The following MAPK8IP3 variants were observed in gnomAD, a reference collection of about 807,000 sequenced individuals.
MAPK8IP3 encodes mitogen-activated protein kinase 8 interacting protein 3.
MAPK8IP3 carries 49 observed loss-of-function variants against 157.8 expected under a neutral mutation model. That is an observed-to-expected ratio of 0.31 (90% CI 0.25 to 0.39). The LOEUF is 0.39. Among genes scored for constraint, MAPK8IP3 ranks in the 10% least tolerant of loss-of-function variants. The pLI is 1.00. For synonymous variants in MAPK8IP3, 897 were observed against 777.7 expected (o/e 1.15, Z -2.55); for missense variants, 1,478 against 1,889.4 (o/e 0.78, Z 4.04).
chr16:1,714,647 C>T lies in MAPK8IP3; in HGVS notation c.318+7990C>T, dbSNP rs551831828. ...TTTCCTCAGCCAGCCTGCCCATCAC[C>T]TTTCCTTCTCCCCAGGAAATGAATT... On this transcript the variant is annotated intron_variant, in intron 1 of 31. Transcript: ENST00000610761. Among the ~76,000 whole-genome samples, 12 of 152,292 alleles carry T rather than the reference C, an allele frequency of 7.9e-5. No homozygotes were observed. In the South Asian group the frequency reaches 2.5e-3, roughly 32 times the overall value.
intron 4 of MAPK8IP3, among the ~76,000 whole-genome samples, chr16:1,735,624 T>G (rs1256280367): frequency 1.4e-5 from 2 of 145,514 alleles, no homozygotes; most frequent in Non-Finnish European, 3.0e-5. Context: ...CGTGTGAGCA[T>G]CCGTGTGACT....
rs74002448 is a variant in MAPK8IP3, at chr16:1,768,038, C to T, written c.3524-31C>T. On this transcript the variant is annotated intron_variant, in intron 28 of 31. Transcript: ENST00000610761. The stretch of plus-strand genomic sequence containing the variant: ...TGCTGCCCCTACGCTGACCGCTCTC[C>T]TCTTCTCCCATGCTCCTCCCATGTC... 3,236 of 1,612,218 alleles carry T rather than the reference C, an allele frequency of 2.0e-3. 83 individuals are homozygous for T. In the African/African-American group the frequency reaches 0.039, roughly 19 times the overall value.
In MAPK8IP3 at chr16:1,729,470, C is replaced by T; in HGVS notation, c.511-17C>T. The T allele has an allele frequency of 1.9e-6, 3 of 1,607,044 alleles. No individual in the cohort carries two copies. The highest frequency in any genetic ancestry group is 8.5e-7 in the Non-Finnish European group (1 of 1,175,248). ...CCCCCCACGGCAGCGCTAATGCAGG[C>T]GTTTCCCTCCTCGCAGATGATACAG... is the stretch of plus-strand genomic sequence containing the variant. On this transcript the variant is annotated splice_polypyrimidine_tract_variant and intron_variant, in intron 3 of 31. Transcript: ENST00000610761.
intron 3 of MAPK8IP3, 94 bp downstream of exon 3, chr16:1,729,302 G>A: frequency 6.9e-7 from 1 of 1,439,426 alleles, no homozygotes; most frequent in South Asian, 1.2e-5. Context: ...TTCTTCCCTG[G>A]CATGTCCCTT....
rs527711659 is a variant in MAPK8IP3 at position 1,733,336 on chromosome 16, G to A, written c.602+3758G>A. 2.8e-4 allele frequency among the ~76,000 whole-genome samples: 43 copies of A among 152,226 alleles called. 1 individual carries two copies. The highest frequency in any genetic ancestry group is 2.3e-3 in the Admixed American group (35 of 15,292). On this transcript the variant is annotated intron_variant, in intron 4 of 31. Transcript: ENST00000610761. ...CGCCGGCCGAGAGCCCAGGTTCCGAGTTGCAGTGATCCCCACCCCAGGCCC... is the reference window on the plus strand; with the variant it reads ...CGCCGGCCGAGAGCCCAGGTTCCGAATTGCAGTGATCCCCACCCCAGGCCC...
In MAPK8IP3 at chr16:1,741,958, C is replaced by T. The variant is rs940357306; in HGVS notation, c.603-1374C>T. Among the ~76,000 whole-genome samples, 2 of 152,150 alleles carry T rather than the reference C, an allele frequency of 1.3e-5. No homozygotes were observed. Among genetic ancestry groups the T allele is most frequent in the African/African-American group, 2.4e-5 (1 of 41,430 alleles). On this transcript the variant is annotated intron_variant, in intron 4 of 31. Coordinates refer to ENST00000610761, the MANE Select transcript of MAPK8IP3 (RefSeq NM_001318852.2). This position sits in a 1 kb window ranked among gnomAD's most constrained non-coding sequence, Gnocchi z 6.9. ...CCCAGGTAGCGGAGCTCCTGGTCAG[C>T]GGCGGCTGCTGCGTTCCCCTGTCGC...
rs1288548268 is a variant in MAPK8IP3, at chr16:1,706,204, A to T, written c.-136A>T. 5 of 659,122 alleles carry T rather than the reference A, an allele frequency of 7.6e-6. No individual in the cohort carries two copies. The East Asian group carries it at 1.5e-4, about 20-fold the overall frequency. The allele number at this position is 659,122 out of a possible 1,614,324, so 40.8% of individuals were successfully genotyped here. ...AGTGAGTGACGGGCGCAGCCTCGGC[A>T]GCGGCGGCGGCGGAGCCCTGAGGCG... On this transcript the variant is annotated 5_prime_UTR_variant, in exon 1 of 32. Coordinates refer to ENST00000610761, the MANE Select transcript of MAPK8IP3 (RefSeq NM_001318852.2). This position sits in a 1 kb window ranked among gnomAD's most constrained non-coding sequence, Gnocchi z 5.1.
chr16:1,740,078 ATCCGTGTGACCG>A (rs2040558764), intron 4 of MAPK8IP3, among the ~76,000 whole-genome samples: 1 of 63,352 alleles, frequency 1.6e-5, no homozygotes, highest in African/African-American at 6.9e-5. Flanking sequence ...GAGCGTGAGC[ATCCGTGTGACCG>A]TCCGTGTGAG....
At chr16:1,736,974 G>T (rs1252101841) in intron 4 of MAPK8IP3, among the ~76,000 whole-genome samples, 1 of 78,034 alleles carries the variant, frequency 1.3e-5, no homozygotes, top group Non-Finnish European at 2.5e-5. Context: ...CCGTGTGACC[G>T]TCCGTGTGAG....
At chr16:1,768,429 C>T (rs1316825011) in intron 30 of MAPK8IP3, 48 bp from the exon 31 acceptor site, 1 of 1,595,930 alleles carries the variant, frequency 6.3e-7, no homozygotes, top group South Asian at 1.1e-5. Flanking sequence ...CCAGTGGCCG[C>T]CGCCTCCCCC....
intron 1 of MAPK8IP3, among the ~76,000 whole-genome samples, chr16:1,722,474 C>G (rs2038592169): frequency 1.3e-5 from 2 of 152,154 alleles, no homozygotes; most frequent in Non-Finnish European, 1.5e-5. Context: ...ATAGGGAACA[C>G]AGCTGTGGCC....
chr16:1,708,786 C>T (rs990349130), intron 1 of MAPK8IP3, among the ~76,000 whole-genome samples: 9 of 152,142 alleles, frequency 5.9e-5, no homozygotes, highest in African/African-American at 1.7e-4. Context: ...TATGATTAAA[C>T]GCTAACGGGG....
chr16:1,758,126 T>C (rs754616394), intron 8 of MAPK8IP3, 22 bp from the exon 9 acceptor site: 1 of 1,613,394 alleles, frequency 6.2e-7, no homozygotes, highest in Admixed American at 1.7e-5. Flanking sequence ...CCTGCCTCTC[T>C]GTGCGTCGCT....
rs1355282785 is a variant in MAPK8IP3 at position 1,769,417 on chromosome 16, T to TC, written c.*597dup. 2 of 153,514 alleles carry TC rather than the reference T, an allele frequency of 1.3e-5. No homozygotes were observed. Among genetic ancestry groups the TC allele is most frequent in the African/African-American group, 2.4e-5 (1 of 41,396 alleles). The allele number at this position is 153,514 out of a possible 1,614,324, so 9.5% of individuals were successfully genotyped here. ...ATCCTGTCTGTCCCCACCCCAGCTGTCCCCTGCCCAGGGAGCTGGCATAAA... is the reference window on the plus strand; with the variant it reads ...ATCCTGTCTGTCCCCACCCCAGCTGTCCCCCTGCCCAGGGAGCTGGCATAAA... On this transcript the variant is annotated 3_prime_UTR_variant, in exon 32 of 32. Coordinates refer to ENST00000610761, the MANE Select transcript of MAPK8IP3 (RefSeq NM_001318852.2).
At chr16:1,733,950 C>T (rs1381304819) in intron 4 of MAPK8IP3, among the ~76,000 whole-genome samples, 4 of 152,252 alleles carry the variant, frequency 2.6e-5, no homozygotes, top group South Asian at 4.1e-4. Flanking sequence ...GTGGGAGCAA[C>T]GCCAGCAGCA....
chr16:1,743,859 C>T lies in MAPK8IP3; in HGVS notation c.747+383C>T. 9.1e-7 allele frequency: 1 copy of T among 1,095,532 alleles called. No individual in the cohort carries two copies. 67.9% of individuals were successfully genotyped at this position (1,095,532 alleles called of 1,614,324 possible). On this transcript the variant is annotated intron_variant, in intron 5 of 31. Coordinates refer to ENST00000610761, the MANE Select transcript of MAPK8IP3 (RefSeq NM_001318852.2). This position sits in a 1 kb window ranked among gnomAD's most constrained non-coding sequence, Gnocchi z 5.6. ...CCGGGCTCCAGCCAGACACATCCTG[C>T]CCCTGAGAGCCACGCCTCTACTCTC...
intron 1 of MAPK8IP3, among the ~76,000 whole-genome samples, chr16:1,718,976 G>A (rs1333954461): frequency 6.6e-6 from 1 of 152,160 alleles, no homozygotes. Flanking sequence ...GGCTGTGGCA[G>A]GAGGATTGCT....
Position 1,751,049 on chromosome 16 carries a change from C to T in MAPK8IP3, c.1216+2329C>T, listed in dbSNP as rs1001477531. Reference sequence around the variant, plus strand: ...CACACAGTGTCAGGTCGCAGCTGCCCTTCTCATTGTGGGCGGTGTCATTTC... The same window carrying T: ...CACACAGTGTCAGGTCGCAGCTGCCTTTCTCATTGTGGGCGGTGTCATTTC... On this transcript the variant is annotated intron_variant, in intron 8 of 31. Coordinates refer to ENST00000610761, the MANE Select transcript of MAPK8IP3 (RefSeq NM_001318852.2). The surrounding 1 kb of genome is among the most constrained non-coding windows in gnomAD (Gnocchi z 5.0). 2.0e-5 allele frequency among the ~76,000 whole-genome samples: 3 copies of T among 152,224 alleles called. No individual in the cohort carries two copies. The highest frequency in any genetic ancestry group is 7.2e-5 in the African/African-American group (3 of 41,468).
chr16:1,728,987 C>T (rs1463577882), intron 2 of MAPK8IP3, 151 bp from the exon 3 acceptor site: 6 of 713,530 alleles, frequency 8.4e-6, no homozygotes, highest in Admixed American at 2.1e-5. Context: ...GTCTCCCAGA[C>T]GGCCTTGCAC....
Sources: gnomAD v4.1 joint callset for allele counts (sites outside exome capture counted in the v4.1 genomes callset) on GRCh38, gnomAD v4.1.1 for gene constraint, Gnocchi (gnomAD v3.1) non-coding constraint, MANE v1.5 for transcripts, NCBI Gene and HGNC (gene_info 2026-07-23, HGNC 2026-07-21) for gene names.